Variants in PTGER3 observed in about 807,000 individuals in gnomAD.
PTGER3 encodes the protein prostaglandin E2 receptor EP3 subtype.
PTGER3 carries 22 observed loss-of-function variants against 34.7 expected under a neutral mutation model. The ratio of observed to expected loss-of-function variants is 0.63; its 90% CI spans 0.45 to 0.91. PTGER3 has a LOEUF of 0.91. Among genes scored for constraint, PTGER3 ranks in the 40% least tolerant of loss-of-function variants. The pLI, the probability that PTGER3 is intolerant of heterozygous loss-of-function variation, is 0.00. For synonymous variants in PTGER3, 241 were observed against 230.1 expected (o/e 1.05, Z -0.43); for missense variants, 468 against 519.4 (o/e 0.90, Z 0.96).
intron 2 of PTGER3, among the ~76,000 whole-genome samples, chr1:70,983,268 G>A (rs1654566632): frequency 7.6e-6 from 1 of 131,250 alleles, no homozygotes; most frequent in African/African-American, 2.9e-5. Context: ...ATGTGCTTGA[G>A]TTTTTTAATT....
chr1:70,998,495 T>A (rs1355324034), intron 2 of PTGER3, among the ~76,000 whole-genome samples: 1 of 152,086 alleles, frequency 6.6e-6, no homozygotes, highest in Non-Finnish European at 1.5e-5. Context: ...TGATAGAAGC[T>A]CATTAAAAAT....
chr1:70,931,527 C>T (rs1267925964), intron 4 of PTGER3, among the ~76,000 whole-genome samples: 1 of 152,252 alleles, frequency 6.6e-6, no homozygotes, highest in African/African-American at 2.4e-5. Context: ...GGCATCCAGG[C>T]ATTTCTATGT....
rs374807685 is a variant in PTGER3 at position 70,927,638 on chromosome 1, C to T, written c.*23+26125G>A. On this transcript the variant is annotated intron_variant, in intron 4 of 4. Coordinates refer to the PTGER3 transcript ENST00000370931. ...ATCATCAACACATCAGTAACTAAGG[C>T]CACAGAAGTAGATGACATCATTCAA... is the stretch of plus-strand genomic sequence containing the variant. Among the ~76,000 whole-genome samples, 6 of 152,052 alleles carry T rather than the reference C, an allele frequency of 3.9e-5. No homozygotes were observed. The East Asian group carries it at 7.7e-4, about 20-fold the overall frequency.
chr1:71,013,073 A>G (rs1296950291), intron 1 of PTGER3, among the ~76,000 whole-genome samples: 1 of 152,080 alleles, frequency 6.6e-6, no homozygotes, highest in African/African-American at 2.4e-5. Flanking sequence ...CCAGACTAAT[A>G]CCATATGATG....
chr1:70,995,776 T>A (rs1169811197), intron 2 of PTGER3, among the ~76,000 whole-genome samples: 2 of 152,178 alleles, frequency 1.3e-5, no homozygotes, highest in African/African-American at 4.8e-5. Flanking sequence ...AAGTGTTCAC[T>A]ATTAATATTA....
At chr1:71,004,090 C>A (rs1212974073) in intron 2 of PTGER3, among the ~76,000 whole-genome samples, 2 of 152,166 alleles carry the variant, frequency 1.3e-5, no homozygotes, top group Non-Finnish European at 2.9e-5. Flanking sequence ...TCTCAATGTT[C>A]TTTGCAAAAT....
At position 70,865,564 on chromosome 1, in the gene PTGER3, C is replaced by CA. The variant is rs1646023218; in HGVS notation, c.*24-12706dup. 6.8e-6 allele frequency: 8 copies of CA among 1,179,478 alleles called. No homozygotes were observed. The Admixed American group carries it at 2.1e-4, about 30-fold the overall frequency. 73.1% of individuals were successfully genotyped at this position (1,179,478 alleles called of 1,614,324 possible). A position where few individuals can be genotyped will look rare whatever the true frequency, so the allele number is the denominator to read the frequency against. ...GTTCTTGACTTATAAAATCAGGCCA[C>CA]AAAAAGATAGGTGGGACAACAGAGA... On this transcript the variant is annotated intron_variant, in intron 4 of 4. Coordinates refer to the PTGER3 transcript ENST00000370931.
intron 2 of PTGER3, chr1:71,006,938 T>C: frequency 3.0e-6 from 3 of 985,514 alleles, no homozygotes; most frequent in Non-Finnish European, 3.6e-6. Flanking sequence ...AGACTAGCCA[T>C]GACTTGAATG....
chr1:70,947,861 A>C (rs1650365760), downstream of PTGER3, among the ~76,000 whole-genome samples: 1 of 152,208 alleles, frequency 6.6e-6, no homozygotes, highest in African/African-American at 2.4e-5. Flanking sequence ...AAAAATGTTT[A>C]CATATATGTG....
intron 1 of PTGER3, among the ~76,000 whole-genome samples, chr1:71,017,358 C>T (rs1658000064): frequency 6.6e-6 from 1 of 152,160 alleles, no homozygotes; most frequent in Admixed American, 6.6e-5. Flanking sequence ...CAAAGAAACA[C>T]TTTTCTCTCA....
At chr1:70,993,707 A>C (rs1385473976) in intron 2 of PTGER3, among the ~76,000 whole-genome samples, 1 of 152,212 alleles carries the variant, frequency 6.6e-6, no homozygotes, top group Non-Finnish European at 1.5e-5. Flanking sequence ...GGGCATTTGC[A>C]TCCCCACTGT....
rs1479406218 is a variant in PTGER3, at chr1:71,022,325, G to A, written c.898-9841C>T. Among the ~76,000 whole-genome samples, 17 of 138,250 alleles carry A rather than the reference G, an allele frequency of 1.2e-4. No homozygotes were observed. The South Asian group carries it at 3.9e-3, about 32-fold the overall frequency. The allele number at this position is 138,250 out of a possible 152,430, so 90.7% of individuals were successfully genotyped here. ...AGGTAAGCAGTCTGACACTCTGTAT[G>A]TTCAAAACATTTAGCTTGATCAACA... On this transcript the variant is annotated intron_variant, in intron 1 of 3. Transcript: ENST00000306666.
At chr1:70,886,578 C>G (rs1458389334) in intron 4 of PTGER3, among the ~76,000 whole-genome samples, 3 of 152,184 alleles carry the variant, frequency 2.0e-5, no homozygotes, top group African/African-American at 4.8e-5. Flanking sequence ...CTTCCTTGAT[C>G]AATCTGTCGA....
chr1:71,012,561 T>C, intron 1 of PTGER3, 77 bp from the exon 2 acceptor site: 1 of 1,312,524 alleles, frequency 7.6e-7, no homozygotes. Flanking sequence ...ACTTTGCACA[T>C]AGTTGGTTTT....
intron 2 of PTGER3, among the ~76,000 whole-genome samples, chr1:71,003,246 T>C (rs974312336): frequency 2.0e-5 from 3 of 152,180 alleles, no homozygotes; most frequent in African/African-American, 7.2e-5. Flanking sequence ...AATAAGGTCA[T>C]CCCTGCCACT....
chr1:70,982,028 A>G (rs997667323), intron 2 of PTGER3, among the ~76,000 whole-genome samples: 3 of 152,120 alleles, frequency 2.0e-5, no homozygotes, highest in Admixed American at 2.0e-4. Context: ...CCTGGGGACT[A>G]TACTGGACAG....
At chr1:70,892,223 G>A (rs945007616) in intron 4 of PTGER3, among the ~76,000 whole-genome samples, 2 of 152,140 alleles carry the variant, frequency 1.3e-5, no homozygotes, top group African/African-American at 4.8e-5. Flanking sequence ...TGTTGCTTTG[G>A]GGCATATTCA....
intron 1 of PTGER3, among the ~76,000 whole-genome samples, chr1:71,045,807 T>C (rs1317764021): frequency 2.0e-5 from 3 of 151,952 alleles, no homozygotes; most frequent in Non-Finnish European, 4.4e-5. Context: ...GTTCGGGCAC[T>C]TCCTAGAGGG....
intron 2 of PTGER3, among the ~76,000 whole-genome samples, chr1:70,954,450 T>G (rs1427265358): frequency 4.6e-5 from 7 of 152,168 alleles, no homozygotes; most frequent in African/African-American, 1.7e-4. Flanking sequence ...TAGTGCTGTA[T>G]GTCGACATTA....
Sources: gnomAD v4.1 joint callset for allele counts (sites outside exome capture counted in the v4.1 genomes callset) on GRCh38, gnomAD v4.1.1 for gene constraint, MANE v1.5 for transcripts, NCBI Gene and HGNC (gene_info 2026-07-23, HGNC 2026-07-21) for gene names.